NCKAP5: variants seen among roughly 807,000 people sequenced by gnomAD.
NCKAP5 encodes the protein NCK associated protein 5, also known as nck-associated protein 5.
Under a neutral mutation model 167.0 loss-of-function variants are expected in NCKAP5, and 92 were observed. That is an observed-to-expected ratio of 0.55 (90% CI 0.47 to 0.66). NCKAP5 has a LOEUF of 0.66. NCKAP5 is among the 30% of genes least tolerant of loss of function. The pLI, the probability that NCKAP5 is intolerant of heterozygous loss-of-function variation, is 0.00. For missense variants in NCKAP5, 2,378 were observed against 2,315.0 expected, an observed-to-expected ratio of 1.03 and a Z score of -0.56; for synonymous variants, 891 against 877.4, an observed-to-expected ratio of 1.02 and a Z score of -0.27.
intron 8 of NCKAP5, among the ~76,000 whole-genome samples, chr2:132,934,602 G>A (rs553409378): frequency 2.4e-4 from 36 of 151,850 alleles, no homozygotes; most frequent in Non-Finnish European, 2.4e-4. Flanking sequence ...AAAAGTAAAC[G>A]ATGACCCCAC....
chr2:132,782,567 G>T lies in NCKAP5; in HGVS notation c.4244C>A (p.Pro1415Gln). 6.3e-7 allele frequency: 1 copy of T among 1,583,186 alleles called. No individual in the cohort carries two copies. The highest frequency in any genetic ancestry group is 1.2e-5 in the South Asian group (1 of 84,486). ...TTCAGGGCAGTCTGTTGGGGTGGGT[G>T]GGCAACTGCGGCGGTCACTGCCTGG... is the stretch of plus-strand genomic sequence containing the variant. The part of the protein sequence containing the change: ...GEPGSDRRSC[P>Q]PTPTDCPEAL... Residue 1415 changes from proline (P) to glutamine (Q), a missense_variant, in exon 14 of 20, where the codon CCA becomes CAA. This residue lies in a region of NCKAP5 where 1,325 missense variants were observed against 1,274.5 expected (regional missense o/e 1.04). Transcript: ENST00000409261.
At chr2:132,892,322 G>A (rs2148873001) in intron 8 of NCKAP5, among the ~76,000 whole-genome samples, 1 of 152,216 alleles carries the variant, frequency 6.6e-6, no homozygotes, top group Non-Finnish European at 1.5e-5. Context: ...ACATATCTGA[G>A]CTCAAGATAC....
intron 8 of NCKAP5, among the ~76,000 whole-genome samples, chr2:132,908,011 A>G (rs1320162833): frequency 6.6e-6 from 1 of 152,126 alleles, no homozygotes; most frequent in Non-Finnish European, 1.5e-5. Flanking sequence ...TTATTTGGTC[A>G]ATGCTTTTGT....
intron 6 of NCKAP5, among the ~76,000 whole-genome samples, chr2:133,055,783 C>T (rs2149497668): frequency 6.6e-6 from 1 of 152,218 alleles, no homozygotes; most frequent in East Asian, 1.9e-4. Flanking sequence ...TGACTCCCAG[C>T]AATGGCACCT....
intron 19 of NCKAP5, among the ~76,000 whole-genome samples, chr2:132,718,381 C>T (rs148343148): frequency 1.6e-3 from 238 of 152,256 alleles, no homozygotes; most frequent in African/African-American, 5.4e-3. Context: ...TCTTTCATAA[C>T]GGGTGTGATG....
chr2:133,648,533 A>G, the NCKAP5 span, among the ~76,000 whole-genome samples: 2 of 152,194 alleles, frequency 1.3e-5, no homozygotes, highest in Admixed American at 6.5e-5. Context: ...ACTAATTTAT[A>G]TAGACTGAAG....
chr2:132,951,279 C>G (rs533918947), intron 8 of NCKAP5, among the ~76,000 whole-genome samples: 4 of 152,104 alleles, frequency 2.6e-5, no homozygotes, highest in Admixed American at 6.5e-5. Flanking sequence ...GTAACTAAGG[C>G]GTTCCAATTC....
intron 3 of NCKAP5, among the ~76,000 whole-genome samples, chr2:133,388,889 G>T (rs780276558): frequency 2.6e-5 from 4 of 152,210 alleles, no homozygotes; most frequent in Non-Finnish European, 5.9e-5. Flanking sequence ...TTGGAAACAC[G>T]CAGTATTAGG....
At chr2:132,677,287 A>G (rs1467412989) in intron 19 of NCKAP5, among the ~76,000 whole-genome samples, 1 of 152,208 alleles carries the variant, frequency 6.6e-6, no homozygotes, top group Non-Finnish European at 1.5e-5. Flanking sequence ...TCAAGCTTAA[A>G]TAAATAGCTT....
chr2:133,469,106 C>T (rs534847678), intron 3 of NCKAP5, among the ~76,000 whole-genome samples: 34 of 151,906 alleles, frequency 2.2e-4, no homozygotes, highest in African/African-American at 6.3e-4. Context: ...TTCCTAGTCT[C>T]GATGGTCTTT....
chr2:132,830,425 C>T (rs991917432), intron 11 of NCKAP5, among the ~76,000 whole-genome samples: 1 of 151,876 alleles, frequency 6.6e-6, no homozygotes, highest in Non-Finnish European at 1.5e-5. Context: ...CAGTCTGTTT[C>T]CCCCCTTGCA....
chr2:133,249,508 T>C (rs979504961), intron 4 of NCKAP5, among the ~76,000 whole-genome samples: 1 of 151,934 alleles, frequency 6.6e-6, no homozygotes, highest in Admixed American at 6.5e-5. Context: ...AGCCAGTAAG[T>C]TTGTGGCAAA....
At chr2:133,500,082 C>A (rs1241853074) in intron 3 of NCKAP5, among the ~76,000 whole-genome samples, 2 of 151,992 alleles carry the variant, frequency 1.3e-5, no homozygotes, top group Admixed American at 1.3e-4. Context: ...GGGGAAAACA[C>A]AGAATCTTAT....
At chr2:132,878,940 A>T (rs1691535817) in intron 8 of NCKAP5, 24 bp from the exon 9 acceptor site, 1 of 1,582,280 alleles carries the variant, frequency 6.3e-7, no homozygotes. Flanking sequence ...CAAAAATAAC[A>T]CAAATAAATC....
chr2:133,383,082 A>T (rs1686645503), intron 3 of NCKAP5, among the ~76,000 whole-genome samples: 1 of 152,156 alleles, frequency 6.6e-6, no homozygotes, highest in African/African-American at 2.4e-5. Context: ...TTTTTTTATT[A>T]TACTTTAAGT....
In NCKAP5 at chr2:133,114,664, G is replaced by A. The variant is rs531324014; in HGVS notation, c.341+15314C>T. ...TCACGACACTATTCTTGATCTATAGGTTTTCTCCCCACCTCTTTTTTCCTT... is the reference window on the plus strand; with the variant it reads ...TCACGACACTATTCTTGATCTATAGATTTTCTCCCCACCTCTTTTTTCCTT... On this transcript the variant is annotated intron_variant, in intron 6 of 19. Transcript: ENST00000409261. Among the ~76,000 whole-genome samples, 25 of 152,100 alleles carry A rather than the reference G, an allele frequency of 1.6e-4. No homozygotes were observed. In the South Asian group the frequency reaches 4.8e-3, roughly 29 times the overall value.
intron 4 of NCKAP5, among the ~76,000 whole-genome samples, chr2:133,262,005 C>A (rs1451318825): frequency 6.6e-6 from 1 of 152,194 alleles, no homozygotes; most frequent in Non-Finnish European, 1.5e-5. Flanking sequence ...AATAGCCAGT[C>A]TCATCCAGTC....
intron 6 of NCKAP5, among the ~76,000 whole-genome samples, chr2:133,018,063 C>T (rs914034351): frequency 2.0e-5 from 3 of 152,160 alleles, no homozygotes; most frequent in African/African-American, 7.2e-5. Flanking sequence ...ATCCTAGCAA[C>T]CCCTCAAGAA....
intron 4 of NCKAP5, among the ~76,000 whole-genome samples, chr2:133,254,759 G>A (rs1381965843): frequency 2.0e-5 from 3 of 152,152 alleles, no homozygotes; most frequent in Non-Finnish European, 4.4e-5. Context: ...GCTGTGGTTT[G>A]TAACTGCAAA....
Sources: gnomAD v4.1 joint callset for allele counts (sites outside exome capture counted in the v4.1 genomes callset) on GRCh38, gnomAD v4.1.1 for gene constraint, gnomAD v4.1.1 regional missense constraint, MANE v1.5 for transcripts, NCBI Gene and HGNC (gene_info 2026-07-23, HGNC 2026-07-21) for gene names.